The following TLN2 variants were observed in gnomAD, a reference collection of about 807,000 sequenced individuals.
TLN2 encodes talin-2.
Under a neutral mutation model 294.7 loss-of-function variants are expected in TLN2, and 118 were observed. The ratio of observed to expected loss-of-function variants is 0.40; its 90% CI spans 0.34 to 0.47. TLN2 has a LOEUF of 0.47. TLN2 is among the 20% of genes least tolerant of loss of function. The pLI, the probability that TLN2 is intolerant of heterozygous loss-of-function variation, is 0.84. For synonymous variants in TLN2, 1,431 were observed against 1,304.5 expected, an observed-to-expected ratio of 1.10 and a Z score of -2.09; for missense variants, 3,083 against 3,282.2, an observed-to-expected ratio of 0.94 and a Z score of 1.48.
At chr15:62,433,247 A>G (rs934700595) in intron 1 of TLN2, among the ~76,000 whole-genome samples, 13 of 152,142 alleles carry the variant, frequency 8.5e-5, no homozygotes, top group Non-Finnish European at 1.9e-4. Flanking sequence ...ACAGGGACCC[A>G]GGGGACAATC....
intron 1 of TLN2, among the ~76,000 whole-genome samples, chr15:62,423,036 G>A (rs947334808): frequency 2.6e-5 from 4 of 152,218 alleles, no homozygotes; most frequent in South Asian, 2.1e-4. Context: ...GCTTCTCCCA[G>A]GGGGAAGAGG....
chr15:62,673,565 C>CT (rs10539693), intron 9 of TLN2, among the ~76,000 whole-genome samples: 11 of 139,496 alleles, frequency 7.9e-5, no homozygotes, highest in Admixed American at 2.1e-4. Context: ...CTCTTGTGCT[C>CT]TTTTTTTTTT....
intron 56 of TLN2, 37 bp downstream of exon 56, chr15:62,835,836 G>A: frequency 1.2e-6 from 2 of 1,614,160 alleles, no homozygotes; most frequent in East Asian, 4.5e-5. Flanking sequence ...TTTGCTTTTG[G>A]GGTCCCCTGA....
chr15:62,570,903 CTGTGTGTGTGTGTGTGTGTGTGTGTG>C (rs58523803), intron 1 of TLN2, among the ~76,000 whole-genome samples: 5 of 143,834 alleles, frequency 3.5e-5, no homozygotes, highest in Non-Finnish European at 7.6e-5. Flanking sequence ...GCACAGGCAT[CTGTGTGTGTGTGTGTGTGTGTGTGTG>C]TGTGTGTGTG....
intron 1 of TLN2, among the ~76,000 whole-genome samples, chr15:62,417,245 G>T: frequency 6.6e-6 from 1 of 152,092 alleles, no homozygotes; most frequent in Non-Finnish European, 1.5e-5. Context: ...CATTTAATTT[G>T]CCTGTCGCCC....
rs999316355 is a variant in TLN2, at chr15:62,797,966, T to C, written c.6234+564T>C. Among the ~76,000 whole-genome samples the C allele has an allele frequency of 5.3e-5, 8 of 151,842 alleles. No individual in the cohort carries two copies. In the South Asian group the frequency reaches 1.0e-3, roughly 20 times the overall value. On this transcript the variant is annotated intron_variant, in intron 48 of 58. Transcript: ENST00000636159. ...ATTTAGGACCACTTTACCGTGCAAG[T>C]GGCACAGGAGACGGAGAAGCAGCAG... is the stretch of plus-strand genomic sequence containing the variant.
At position 62,686,721 on chromosome 15, in the gene TLN2, G is replaced by A; in HGVS notation, c.1038G>A (p.Lys346=). 1.2e-6 allele frequency: 2 copies of A among 1,614,012 alleles called. No homozygotes were observed. Among genetic ancestry groups the A allele is most frequent in the South Asian group, 2.2e-5 (2 of 91,076 alleles). ...TKDSVMRVDE[K]TKEVLQEWPL... Reference sequence around the variant, plus strand: ...ACTCGGTGATGCGCGTGGATGAGAAGACCAAGGAAGTGCTGCAGGAGTGGC... The same window carrying A: ...ACTCGGTGATGCGCGTGGATGAGAAAACCAAGGAAGTGCTGCAGGAGTGGC... Residue 346 remains lysine, a synonymous_variant, in exon 12 of 59, where the codon AAG becomes AAA. Transcript: ENST00000636159.
At chr15:62,444,840 G>C (rs1241534390) in intron 1 of TLN2, among the ~76,000 whole-genome samples, 1 of 152,186 alleles carries the variant, frequency 6.6e-6, no homozygotes, top group Non-Finnish European at 1.5e-5. Context: ...GGTGCATATG[G>C]TGTTGGATGC....
intron 32 of TLN2, among the ~76,000 whole-genome samples, chr15:62,742,685 A>T (rs2061408796): frequency 1.3e-5 from 2 of 152,342 alleles, no homozygotes. Context: ...TTGACGGAGA[A>T]TTCCCAGCCT....
At chr15:62,641,937 C>G (rs919116732) in intron 3 of TLN2, among the ~76,000 whole-genome samples, 1 of 152,200 alleles carries the variant, frequency 6.6e-6, no homozygotes, top group African/African-American at 2.4e-5. Context: ...ACTTGTTTGT[C>G]CCTGGGTGAA....
At chr15:62,727,583 C>T (rs1036619533) in intron 28 of TLN2, among the ~76,000 whole-genome samples, 2 of 152,140 alleles carry the variant, frequency 1.3e-5, no homozygotes, top group African/African-American at 2.4e-5. Flanking sequence ...TAGGTAGAGG[C>T]GAGTGAACAG....
intron 1 of TLN2, among the ~76,000 whole-genome samples, chr15:62,399,073 C>G (rs116618764): frequency 6.4e-4 from 97 of 151,960 alleles, no homozygotes; most frequent in African/African-American, 2.3e-3. Flanking sequence ...CAGCTTAGGC[C>G]ATTGCTTCGT....
chr15:62,469,003 G>T (rs917211716), intron 1 of TLN2, among the ~76,000 whole-genome samples: 4 of 152,138 alleles, frequency 2.6e-5, no homozygotes, highest in Admixed American at 6.5e-5. Context: ...TATGTGAGAT[G>T]ACTTTTCTAT....
intron 1 of TLN2, among the ~76,000 whole-genome samples, chr15:62,480,381 T>G (rs2038014412): frequency 6.6e-6 from 1 of 152,058 alleles, no homozygotes; most frequent in East Asian, 1.9e-4. Flanking sequence ...GCCTGGCTAA[T>G]TTTTGTATTT....
chr15:62,624,873 C>A (rs187698229), intron 3 of TLN2, among the ~76,000 whole-genome samples: 55 of 152,340 alleles, frequency 3.6e-4, no homozygotes, highest in African/African-American at 1.3e-3. Flanking sequence ...AAAAACAATG[C>A]AGCTAAGAAC....
intron 1 of TLN2, among the ~76,000 whole-genome samples, chr15:62,584,808 T>C (rs2140709254): frequency 6.6e-6 from 1 of 152,382 alleles, no homozygotes; most frequent in South Asian, 2.1e-4. Context: ...TCTTGGATTT[T>C]ATGATTTTGA....
At chr15:62,453,042 A>G (rs2036249760) in intron 1 of TLN2, among the ~76,000 whole-genome samples, 1 of 152,230 alleles carries the variant, frequency 6.6e-6, no homozygotes, top group Non-Finnish European at 1.5e-5. Flanking sequence ...CAAAGACTGC[A>G]TGGGAAATAC....
At chr15:62,464,710 A>C (rs2037015462) in intron 1 of TLN2, among the ~76,000 whole-genome samples, 1 of 152,008 alleles carries the variant, frequency 6.6e-6, no homozygotes, top group African/African-American at 2.4e-5. Context: ...TGGGTGATGG[A>C]TCACTTTTAT....
intron 1 of TLN2, among the ~76,000 whole-genome samples, chr15:62,404,984 C>A (rs118112748): frequency 6.6e-6 from 1 of 152,028 alleles, no homozygotes; most frequent in Admixed American, 6.5e-5. Context: ...CTCAGTGACT[C>A]GAGGGAAGTT....
Sources: allele counts gnomAD v4.1 joint callset (sites outside exome capture counted in the v4.1 genomes callset), GRCh38; gene constraint gnomAD v4.1.1; transcripts MANE v1.5; gene names NCBI Gene and HGNC (gene_info 2026-07-23, HGNC 2026-07-21).